SHCBP1: variants seen among roughly 807,000 people sequenced by gnomAD.
SHCBP1 encodes the protein SHC binding and spindle associated 1.
Under a neutral mutation model 75.1 loss-of-function variants are expected in SHCBP1, and 60 were observed. The observed-to-expected ratio is 0.80, with a 90% confidence interval of 0.65 to 0.99. The LOEUF (loss-of-function observed/expected upper bound fraction) is 0.99, where lower values mean the gene tolerates loss of function less well. Among genes scored for constraint, SHCBP1 ranks in the 50% least tolerant of loss-of-function variants. The pLI, the probability that SHCBP1 is intolerant of heterozygous loss-of-function variation, is 0.00. For missense variants in SHCBP1, 709 were observed against 809.4 expected, an observed-to-expected ratio of 0.88 and a Z score of 1.50; for synonymous variants, 290 against 293.2, an observed-to-expected ratio of 0.99 and a Z score of 0.11.
At chr16:46,600,016 G>A (rs527905760) in intron 8 of SHCBP1, 54 bp from the exon 9 acceptor site, 26 of 1,594,492 alleles carry the variant, frequency 1.6e-5, no homozygotes, top group Middle Eastern at 1.7e-4. Flanking sequence ...ACATCTAAAC[G>A]TGAACACTGT....
At chr16:46,611,237 C>T (rs1201930959) in intron 4 of SHCBP1, among the ~76,000 whole-genome samples, 2 of 152,176 alleles carry the variant, frequency 1.3e-5, no homozygotes, top group Non-Finnish European at 2.9e-5. Context: ...TAGGCTTTGG[C>T]CACCTGCAAC....
intron 8 of SHCBP1, among the ~76,000 whole-genome samples, chr16:46,601,644 T>C (rs1476361973): frequency 6.6e-6 from 1 of 152,200 alleles, no homozygotes; most frequent in African/African-American, 2.4e-5. Context: ...GGGTGGACTC[T>C]GGATGCCTGA....
Position 46,607,419 on chromosome 16 carries a change from G to A in SHCBP1, c.689+878C>T, listed in dbSNP as rs181407570. ...GATTACAGGTGTGAGTCACCATGCC[G>A]GGCCTCACACATTTTTTATTTTATT... On this transcript the variant is annotated intron_variant, in intron 5 of 12. Coordinates refer to ENST00000303383, the MANE Select transcript of SHCBP1 (RefSeq NM_024745.5). 6.1e-4 allele frequency among the ~76,000 whole-genome samples: 93 copies of A among 152,142 alleles called. 3 individuals are homozygous for A. Among genetic ancestry groups the A allele is most frequent in the Admixed American group, 5.6e-3 (85 of 15,268 alleles).
chr16:46,583,403 A>C (rs1185107518), intron 12 of SHCBP1, 113 bp downstream of exon 12: 2 of 1,131,234 alleles, frequency 1.8e-6, no homozygotes, highest in African/African-American at 1.6e-5. Flanking sequence ...TCCATGCCCA[A>C]GCATATCCCA....
In SHCBP1 at chr16:46,617,690, C is replaced by CCT. The variant is rs1320534974; in HGVS notation, c.330_331insAG (p.Glu111ArgfsTer29). On this transcript the variant is annotated frameshift_variant, in exon 3 of 13. Coordinates refer to ENST00000303383, the MANE Select transcript of SHCBP1 (RefSeq NM_024745.5). LOFTEE classifies it high-confidence loss of function. ...CAGACTGCCCGCCATCCAGATGGCT[C>CCT]AAGGACCTTCTCCAAGAACTCAGCT... 1 of 1,613,488 alleles carries CCT rather than the reference C, an allele frequency of 6.2e-7. No individual in the cohort carries two copies.
rs189131703 is a variant in SHCBP1 at position 46,618,214 on chromosome 16, A to C, written c.262T>G (p.Tyr88Asp). The change falls in exon 2 of 13, where the codon TAC becomes GAC. Residue 88 changes from tyrosine (Y) to aspartate (D), a missense_variant. Transcript: ENST00000303383. ...FYERFRAYQD[Y>D]ILADCKASEV... ...CAAAAAACCTACTCACCTAAAATGT[A>C]ATCTTGATAGGCTCTGAATCGCTCA... 1.3e-4 allele frequency: 205 copies of C among 1,588,100 alleles called. No homozygotes were observed. In the Admixed American group the frequency reaches 3.9e-3, roughly 31 times the overall value.
At chr16:46,598,441 T>A (rs1965177107) in intron 9 of SHCBP1, among the ~76,000 whole-genome samples, 1 of 152,170 alleles carries the variant, frequency 6.6e-6, no homozygotes, top group Non-Finnish European at 1.5e-5. Flanking sequence ...ACATTGTCAA[T>A]AAGCAATCAT....
intron 5 of SHCBP1, among the ~76,000 whole-genome samples, chr16:46,606,271 A>G (rs551198760): frequency 6.6e-6 from 1 of 152,324 alleles, no homozygotes; most frequent in East Asian, 1.9e-4. Flanking sequence ...GCAGAAAGGA[A>G]AAATTTACTG....
At chr16:46,600,797 G>C (rs187738301) in intron 8 of SHCBP1, among the ~76,000 whole-genome samples, 8 of 152,316 alleles carry the variant, frequency 5.3e-5, no homozygotes, top group Non-Finnish European at 1.0e-4. Context: ...TGGATCACTT[G>C]AGGTCAGGAG....
At chr16:46,608,242 A>G (rs1965353411) in intron 5 of SHCBP1, 55 bp downstream of exon 5, 2 of 1,259,844 alleles carry the variant, frequency 1.6e-6, no homozygotes, top group Admixed American at 3.5e-5. Flanking sequence ...GCAAAATTAA[A>G]CCATGGGTAA....
At chr16:46,596,350 C>G (rs68168898) in intron 9 of SHCBP1, among the ~76,000 whole-genome samples, 1 of 151,848 alleles carries the variant, frequency 6.6e-6, no homozygotes. Flanking sequence ...TACTAAAAAA[C>G]ACAAAAATTA....
At chr16:46,621,232 C>T in intron 1 of SHCBP1, 25 bp downstream of exon 1, 1 of 1,590,842 alleles carries the variant, frequency 6.3e-7, no homozygotes, top group Non-Finnish European at 8.6e-7. Context: ...GAGGCGGCTC[C>T]TCGGCCCCGG....
At chr16:46,582,127 G>C in intron 12 of SHCBP1, 73 bp from the exon 13 acceptor site, 1 of 1,452,122 alleles carries the variant, frequency 6.9e-7, no homozygotes, top group Non-Finnish European at 9.2e-7. Flanking sequence ...TTTCTACACA[G>C]TCTTCTCAAC....
chr16:46,583,139 T>C (rs1049932843), intron 12 of SHCBP1, among the ~76,000 whole-genome samples: 8 of 152,300 alleles, frequency 5.3e-5, no homozygotes, highest in Admixed American at 2.6e-4. Context: ...CAAACGCCAG[T>C]AGGAGCCACC....
chr16:46,604,494 C>T (rs985327881), intron 5 of SHCBP1, 33 bp from the exon 6 acceptor site: 6 of 1,473,460 alleles, frequency 4.1e-6, no homozygotes, highest in Non-Finnish European at 5.7e-6. Context: ...AAATCCACTG[C>T]CTTTCAGGCA....
chr16:46,587,345 C>T (rs980892357), intron 10 of SHCBP1, among the ~76,000 whole-genome samples: 1 of 151,982 alleles, frequency 6.6e-6, no homozygotes, highest in South Asian at 2.1e-4. Context: ...CAGCTATCCA[C>T]AGGATGGCAG....
In SHCBP1 at chr16:46,603,582, C is replaced by G. The variant is rs751305312; in HGVS notation, c.1170G>C (p.Val390=). ...CAGCAATGGAGAAAGTGCCATGTAC[C>G]ACATAATGGCCAGGACAAACAATAA... ...DTVIVCPGHY[V]VHGTFSIADS... Residue 390 remains valine, a synonymous_variant, in exon 8 of 13, where the codon GTG becomes GTC. Coordinates refer to ENST00000303383, the MANE Select transcript of SHCBP1 (RefSeq NM_024745.5). 1 of 1,614,010 alleles carries G rather than the reference C, an allele frequency of 6.2e-7. No homozygotes were observed. Among genetic ancestry groups the G allele is most frequent in the Non-Finnish European group, 8.5e-7 (1 of 1,180,028 alleles).
chr16:46,595,228 C>T (rs1287166129), intron 10 of SHCBP1, among the ~76,000 whole-genome samples: 2 of 152,062 alleles, frequency 1.3e-5, no homozygotes, highest in African/African-American at 4.8e-5. Flanking sequence ...CAAGATGTTA[C>T]CATTAGGGGA....
intron 4 of SHCBP1, among the ~76,000 whole-genome samples, chr16:46,612,465 T>TTTGTTG (rs559149689): frequency 1.3e-4 from 20 of 151,914 alleles, no homozygotes; most frequent in African/African-American, 2.4e-4. Flanking sequence ...AGTGGAGTCT[T>TTTGTTG]TTGTTGTTGT....
Sources: gnomAD v4.1 joint callset for allele counts (sites outside exome capture counted in the v4.1 genomes callset) on GRCh38, gnomAD v4.1.1 for gene constraint, MANE v1.5 for transcripts, NCBI Gene and HGNC (gene_info 2026-07-23, HGNC 2026-07-21) for gene names.